Variants in CMTM4 observed in about 807,000 individuals in gnomAD.
CMTM4 encodes the protein CKLF like MARVEL transmembrane domain containing 4, also known as CKLF-like MARVEL transmembrane domain-containing protein 4.
CMTM4 carries 8 observed loss-of-function variants against 19.0 expected under a neutral mutation model. The observed-to-expected ratio is 0.42, with a 90% CI of 0.25 to 0.76. CMTM4 has a LOEUF of 0.76. Among genes scored for constraint, CMTM4 ranks in the 30% least tolerant of loss-of-function variants. The pLI is 0.27. For missense variants in CMTM4, 228 were observed against 290.2 expected, an observed-to-expected ratio of 0.79 and a Z score of 1.56; for synonymous variants, 106 against 121.1, an observed-to-expected ratio of 0.88 and a Z score of 0.82.
chr16:66,604,138 CGCGT>C, the CMTM4 span: 1 of 147,748 alleles, frequency 6.8e-6, no homozygotes, highest in Non-Finnish European at 1.5e-5. Flanking sequence ...CGCGCGCGCG[CGCGT>C]GTGTGTGTGT....
rs1320348146 is a variant in CMTM4, at chr16:66,641,191, C to T, written c.187-4610G>A. 2.0e-5 allele frequency among the ~76,000 whole-genome samples: 3 copies of T among 152,100 alleles called. No individual in the cohort carries two copies. The East Asian group carries it at 5.8e-4, about 29-fold the overall frequency. On this transcript the variant is annotated intron_variant, in intron 1 of 3. Coordinates refer to ENST00000394106, the MANE Select transcript of CMTM4 (RefSeq NM_181521.3). ...TTTCGAGTAGCTGGAACTACAGGGG[C>T]ACACCACCATGCCCAGATAATTCTT...
chr16:66,685,053 A>T (rs1399538300), intron 1 of CMTM4, among the ~76,000 whole-genome samples: 1 of 152,216 alleles, frequency 6.6e-6, no homozygotes, highest in African/African-American at 2.4e-5. Flanking sequence ...ATCAGGGTAT[A>T]TTGTGAGCAC....
At chr16:66,601,083 TTGTGTGTGTGTGTGTGTGTGTGTC>T in the CMTM4 span, among the ~76,000 whole-genome samples, 8 of 146,786 alleles carry the variant, frequency 5.5e-5, no homozygotes, top group Middle Eastern at 3.5e-3. Flanking sequence ...CTCCCATGGT[TTGTGTGTGTGTGTGTGTGTGTGTC>T]TGTGTGTGTG....
intron 1 of CMTM4, among the ~76,000 whole-genome samples, chr16:66,683,631 C>T (rs2016982743): frequency 6.6e-6 from 1 of 151,866 alleles, no homozygotes; most frequent in Non-Finnish European, 1.5e-5. Flanking sequence ...CTATTCAACA[C>T]CTATGTGCCA....
At chr16:66,625,736 T>A (rs557692583) in intron 2 of CMTM4, among the ~76,000 whole-genome samples, 1 of 152,392 alleles carries the variant, frequency 6.6e-6, no homozygotes, top group South Asian at 2.1e-4. Context: ...CACTGAATCA[T>A]ATTTAAATAC....
Position 66,620,370 on chromosome 16 carries a change from C to A in CMTM4, c.*1688G>T, listed in dbSNP as rs2015607856. ...GTTGTTAACAGGCTAGCAGGGTCAG[C>A]CCCTGAGGCAGACGTGGTGCTCAGC... On this transcript the variant is annotated 3_prime_UTR_variant, in exon 4 of 4. Coordinates refer to ENST00000394106, the MANE Select transcript of CMTM4 (RefSeq NM_181521.3). 1.0e-6 allele frequency: 1 copy of A among 985,346 alleles called. No homozygotes were observed. The highest frequency in any genetic ancestry group is 6.2e-5 in the Admixed American group (1 of 16,260). The allele number at this position is 985,346 out of a possible 1,614,324, so 61.0% of individuals were successfully genotyped here.
chr16:66,651,154 C>T (rs1343800663), intron 1 of CMTM4, among the ~76,000 whole-genome samples: 1 of 152,128 alleles, frequency 6.6e-6, no homozygotes, highest in African/African-American at 2.4e-5. Context: ...AGGGACTGTG[C>T]TTCCGAAGCC....
chr16:66,641,521 G>C (rs2016097492), intron 1 of CMTM4, among the ~76,000 whole-genome samples: 1 of 152,100 alleles, frequency 6.6e-6, no homozygotes, highest in Non-Finnish European at 1.5e-5. Flanking sequence ...TAGTTCCCCA[G>C]TACAACCTTA....
chr16:66,599,124 AC>A, the CMTM4 span, among the ~76,000 whole-genome samples: 1 of 150,396 alleles, frequency 6.6e-6, no homozygotes, highest in African/African-American at 2.5e-5. Context: ...TACTAAAATT[AC>A]CAAAAAAAAA....
intron 1 of CMTM4, among the ~76,000 whole-genome samples, chr16:66,645,564 C>T (rs1436918149): frequency 6.6e-6 from 1 of 151,192 alleles, no homozygotes; most frequent in Non-Finnish European, 1.5e-5. Context: ...GCGACAGAGA[C>T]TCCATCTCAA....
intron 1 of CMTM4, among the ~76,000 whole-genome samples, chr16:66,675,663 T>G (rs920297674): frequency 6.6e-6 from 1 of 151,876 alleles, no homozygotes; most frequent in Non-Finnish European, 1.5e-5. Flanking sequence ...TTCCAAAGCA[T>G]CTAGTGAAGG....
intron 1 of CMTM4, among the ~76,000 whole-genome samples, chr16:66,655,014 G>A (rs914887650): frequency 6.6e-6 from 1 of 151,822 alleles, no homozygotes; most frequent in African/African-American, 2.4e-5. Flanking sequence ...GGGCTTTTTT[G>A]AGACAGAGTC....
rs2015546100 is a variant in CMTM4 at position 66,617,372 on chromosome 16, A to G, written c.*4686T>C. 6.2e-7 allele frequency: 1 copy of G among 1,611,538 alleles called. No individual in the cohort carries two copies. The highest frequency in any genetic ancestry group is 1.1e-5 in the South Asian group (1 of 90,306). On this transcript the variant is annotated 3_prime_UTR_variant, in exon 4 of 4. Coordinates refer to ENST00000394106, the MANE Select transcript of CMTM4 (RefSeq NM_181521.3). ...GAGTAGGAAAAACTAGAAAGGAAAA[A>G]AAAATCCCAAAGGTTGAAAAACTGT... is the stretch of plus-strand genomic sequence containing the variant.
the CMTM4 span, chr16:66,609,467 CT>C: frequency 6.2e-7 from 1 of 1,613,030 alleles, no homozygotes; most frequent in Non-Finnish European, 8.5e-7. This position sits in a 1 kb window ranked among gnomAD's most constrained non-coding sequence, Gnocchi z 4.4. Context: ...CGGCCCTCAT[CT>C]ACTTTGCTAT....
intron 2 of CMTM4, among the ~76,000 whole-genome samples, chr16:66,629,497 C>T (rs2015807799): frequency 6.6e-6 from 1 of 152,086 alleles, no homozygotes; most frequent in Non-Finnish European, 1.5e-5. Context: ...AAACTGGGTC[C>T]CAGAAAGAAT....
chr16:66,639,430 A>G (rs2016059408), intron 1 of CMTM4, among the ~76,000 whole-genome samples: 1 of 152,218 alleles, frequency 6.6e-6, no homozygotes, highest in Non-Finnish European at 1.5e-5. Context: ...AAACAGACAA[A>G]AACTCCTGCT....
intron 2 of CMTM4, among the ~76,000 whole-genome samples, chr16:66,631,277 GC>G (rs2015862601): frequency 6.8e-6 from 1 of 147,100 alleles, no homozygotes; most frequent in Admixed American, 6.7e-5. Flanking sequence ...TCAGCCCCCC[GC>G]CCGGCCAGCC....
intron 1 of CMTM4, among the ~76,000 whole-genome samples, chr16:66,663,527 ATTTGCTTTTTT>A (rs2144864312): frequency 1.8e-5 from 1 of 54,862 alleles, no homozygotes; most frequent in South Asian, 5.2e-4. Context: ...TAAGATTTTC[ATTTGCTTTTTT>A]TTTTTTTTTT....
intron 1 of CMTM4, among the ~76,000 whole-genome samples, chr16:66,643,082 G>A (rs772565236): frequency 6.6e-6 from 1 of 152,044 alleles, no homozygotes; most frequent in Non-Finnish European, 1.5e-5. Flanking sequence ...CACCAAGGCC[G>A]GCTAATTTTT....
Sources: allele counts gnomAD v4.1 joint callset (sites outside exome capture counted in the v4.1 genomes callset), GRCh38; gene constraint gnomAD v4.1.1; non-coding constraint Gnocchi (gnomAD v3.1); transcripts MANE v1.5; gene names NCBI Gene and HGNC (gene_info 2026-07-23, HGNC 2026-07-21).